The following CHCHD6 variants were observed in gnomAD, a reference collection of about 807,000 sequenced individuals.
CHCHD6 encodes the protein coiled-coil-helix-coiled-coil-helix domain containing 6, also known as MICOS complex subunit MIC25.
In CHCHD6, 28 loss-of-function variants were observed where a neutral mutation model predicts 32.3. That is an observed-to-expected ratio of 0.87 (90% confidence interval 0.64 to 1.19). CHCHD6 has a LOEUF of 1.19. CHCHD6 is among the 50% of genes most tolerant of loss of function. CHCHD6 has a pLI of 0.00. For missense variants in CHCHD6, 333 were observed against 307.0 expected (o/e 1.08, Z -0.63); for synonymous variants, 122 against 117.5 (o/e 1.04, Z -0.25).
chr3:126,785,173 G>A (rs946358716), intron 4 of CHCHD6, among the ~76,000 whole-genome samples: 3 of 152,150 alleles, frequency 2.0e-5, no homozygotes, highest in East Asian at 1.9e-4. Flanking sequence ...TGTGGCTGGC[G>A]GGTGGTGACT....
chr3:126,937,102 G>A (rs899308684), intron 6 of CHCHD6, among the ~76,000 whole-genome samples: 1 of 152,214 alleles, frequency 6.6e-6, no homozygotes, highest in Non-Finnish European at 1.5e-5. Context: ...GCCCTTTCCT[G>A]TCTCCATTTT....
At chr3:126,750,147 A>T (rs1383895511) in intron 4 of CHCHD6, among the ~76,000 whole-genome samples, 1 of 152,200 alleles carries the variant, frequency 6.6e-6, no homozygotes, top group Non-Finnish European at 1.5e-5. Flanking sequence ...ATAGCTGCTC[A>T]GTTCTCCATA....
At chr3:126,742,875 AAG>A (rs1285049643) in intron 4 of CHCHD6, among the ~76,000 whole-genome samples, 1 of 152,206 alleles carries the variant, frequency 6.6e-6, no homozygotes, top group Non-Finnish European at 1.5e-5. Flanking sequence ...AAAATGGACT[AAG>A]ATATTTGGGG....
intron 4 of CHCHD6, among the ~76,000 whole-genome samples, chr3:126,766,189 G>A (rs928207805): frequency 1.3e-5 from 2 of 152,076 alleles, no homozygotes; most frequent in African/African-American, 4.8e-5. Context: ...TGTAGGAATG[G>A]TAAGTCAACT....
intron 4 of CHCHD6, among the ~76,000 whole-genome samples, chr3:126,831,715 TG>T (rs1238048804): frequency 3.9e-5 from 6 of 152,208 alleles, no homozygotes; most frequent in Non-Finnish European, 8.8e-5. Flanking sequence ...GCTTCAGAAT[TG>T]TTCTAAATTT....
intron 4 of CHCHD6, among the ~76,000 whole-genome samples, chr3:126,744,204 G>A (rs548268004): frequency 1.3e-5 from 2 of 152,360 alleles, no homozygotes; most frequent in South Asian, 4.1e-4. Context: ...TAGGGCTGGG[G>A]AGAGGGGAGG....
At chr3:126,934,738 A>T (rs2078454292) in intron 6 of CHCHD6, among the ~76,000 whole-genome samples, 1 of 151,378 alleles carries the variant, frequency 6.6e-6, no homozygotes, top group South Asian at 2.1e-4. Flanking sequence ...TTTAGTAGAG[A>T]TGGGGTTTCA....
At chr3:126,729,912 A>G (rs1322951395) in intron 2 of CHCHD6, among the ~76,000 whole-genome samples, 5 of 152,170 alleles carry the variant, frequency 3.3e-5, no homozygotes. Flanking sequence ...AAGGCTGGGG[A>G]CAGGGTAGTA....
intron 1 of CHCHD6, among the ~76,000 whole-genome samples, chr3:126,719,651 G>A (rs1935185930): frequency 6.6e-6 from 1 of 152,206 alleles, no homozygotes; most frequent in Non-Finnish European, 1.5e-5. Flanking sequence ...ATGGGAAACA[G>A]TGTGTTTACT....
intron 5 of CHCHD6, among the ~76,000 whole-genome samples, chr3:126,870,553 C>T (rs1234455765): frequency 2.6e-5 from 4 of 152,134 alleles, no homozygotes; most frequent in Admixed American, 1.3e-4. Flanking sequence ...TGGCGCTGTG[C>T]TGTGCCTGCT....
intron 5 of CHCHD6, among the ~76,000 whole-genome samples, chr3:126,895,567 C>T (rs535153284): frequency 6.6e-6 from 1 of 152,230 alleles, no homozygotes; most frequent in Admixed American, 6.5e-5. Context: ...ATGAAAGGCC[C>T]TCTGTCTTGA....
chr3:126,758,834 G>A (rs1576380436), intron 4 of CHCHD6, among the ~76,000 whole-genome samples: 1 of 152,174 alleles, frequency 6.6e-6, no homozygotes, highest in East Asian at 1.9e-4. Context: ...TGTTCTTTTA[G>A]AAAGCCACCC....
At chr3:126,892,251 C>G (rs772417916) in intron 5 of CHCHD6, among the ~76,000 whole-genome samples, 1 of 152,190 alleles carries the variant, frequency 6.6e-6, no homozygotes, top group Admixed American at 6.5e-5. Flanking sequence ...GAGTCTCTCT[C>G]ATGAGAGCTG....
At chr3:126,766,310 A>G in intron 4 of CHCHD6, 1 of 371,004 alleles carries the variant, frequency 2.7e-6, no homozygotes, top group East Asian at 6.3e-5. Flanking sequence ...TATGGAGTCT[A>G]AACAAAAATG....
At chr3:126,946,730 G>A (rs539904680) in intron 6 of CHCHD6, among the ~76,000 whole-genome samples, 224 of 152,272 alleles carry the variant, frequency 1.5e-3, no homozygotes, top group Non-Finnish European at 2.3e-3. Flanking sequence ...CCCTAGCCAC[G>A]GGTTAAAGCA....
chr3:126,752,445 C>T (rs772683412), intron 4 of CHCHD6, among the ~76,000 whole-genome samples: 7 of 152,154 alleles, frequency 4.6e-5, no homozygotes, highest in African/African-American at 1.4e-4. Flanking sequence ...GAAGAACAGG[C>T]GTGCTGGGAG....
chr3:126,919,713 T>TA (rs931478674), intron 6 of CHCHD6, among the ~76,000 whole-genome samples: 1 of 151,182 alleles, frequency 6.6e-6, no homozygotes, highest in Admixed American at 6.6e-5. Flanking sequence ...TTTTGAAAAA[T>TA]ATAGCAGTCA....
At chr3:126,783,122 C>A (rs1938032307) in intron 4 of CHCHD6, among the ~76,000 whole-genome samples, 1 of 152,152 alleles carries the variant, frequency 6.6e-6, no homozygotes, top group African/African-American at 2.4e-5. Context: ...CTCTGGCATC[C>A]ACCCTTTGTT....
chr3:126,947,926 T>C (rs527259119), intron 6 of CHCHD6, among the ~76,000 whole-genome samples: 1 of 152,260 alleles, frequency 6.6e-6, no homozygotes, highest in Non-Finnish European at 1.5e-5. Context: ...AATAACGCCT[T>C]ACAGGGGAGG....
Sources: allele counts gnomAD v4.1 joint callset (sites outside exome capture counted in the v4.1 genomes callset), GRCh38; gene constraint gnomAD v4.1.1; transcripts MANE v1.5; gene names NCBI Gene and HGNC (gene_info 2026-07-23, HGNC 2026-07-21).